The following CHKA variants were observed in gnomAD, a reference collection of about 807,000 sequenced individuals.
The protein encoded by CHKA is choline kinase alpha.
CHKA carries 34 observed loss-of-function variants against 60.1 expected under a neutral mutation model. The ratio of observed to expected loss-of-function variants is 0.57; its 90% CI spans 0.43 to 0.75. CHKA has a LOEUF of 0.75. Among genes scored for constraint, CHKA ranks in the 30% least tolerant of loss-of-function variants. The probability of loss-of-function intolerance (pLI) is 0.00; values close to 1 mark genes in which losing one functional copy is unlikely to be tolerated. For missense variants in CHKA, 563 were observed against 561.3 expected (o/e 1.00, Z -0.03); for synonymous variants, 217 against 223.1 (o/e 0.97, Z 0.24).
intron 1 of CHKA, among the ~76,000 whole-genome samples, chr11:68,106,114 C>T (rs980017637): frequency 3.3e-5 from 5 of 152,042 alleles, no homozygotes; most frequent in Non-Finnish European, 5.9e-5. Context: ...TTCTTCTAAC[C>T]ATCTAAAATT....
chr11:68,101,464 T>G (rs1421595486), intron 1 of CHKA, among the ~76,000 whole-genome samples: 1 of 152,090 alleles, frequency 6.6e-6, no homozygotes, highest in Non-Finnish European at 1.5e-5. Context: ...TCAGTAAGAT[T>G]GCAGGATACA....
chr11:68,075,845 A>G (rs1455159022), intron 3 of CHKA, among the ~76,000 whole-genome samples: 1 of 152,190 alleles, frequency 6.6e-6, no homozygotes, highest in Non-Finnish European at 1.5e-5. Context: ...ATTAAAAGAG[A>G]GGCACCAGCA....
At chr11:68,116,970 T>G (rs2153033037) in intron 1 of CHKA, among the ~76,000 whole-genome samples, 1 of 152,322 alleles carries the variant, frequency 6.6e-6, no homozygotes, top group Middle Eastern at 3.4e-3. Context: ...TGACAATTTC[T>G]ACACTTATCC....
At chr11:68,114,345 A>C (rs1023278783) in intron 1 of CHKA, among the ~76,000 whole-genome samples, 1 of 152,232 alleles carries the variant, frequency 6.6e-6, no homozygotes, top group Non-Finnish European at 1.5e-5. Context: ...AAACTGTGGT[A>C]TATCCAGATG....
chr11:68,066,103 T>G lies in CHKA; in HGVS notation c.1017-209A>C, dbSNP rs118052189. On this transcript the variant is annotated intron_variant, in intron 8 of 11. Transcript: ENST00000265689. ...TCACAGCTGACTAAAGCTATACAGG[T>G]GCACCTGAACCACTACTCCAGAACA... is the stretch of plus-strand genomic sequence containing the variant. 2.6e-5 allele frequency among the ~76,000 whole-genome samples: 4 copies of G among 152,240 alleles called. No individual in the cohort carries two copies. In the East Asian group the frequency reaches 7.7e-4, roughly 29 times the overall value.
intron 3 of CHKA, among the ~76,000 whole-genome samples, chr11:68,077,233 C>T (rs1421716620): frequency 6.6e-6 from 1 of 152,130 alleles, no homozygotes; most frequent in Non-Finnish European, 1.5e-5. Flanking sequence ...GAGCAAGACT[C>T]TGTCTCAAAA....
intron 1 of CHKA, among the ~76,000 whole-genome samples, chr11:68,097,568 G>C (rs559293691): frequency 2.1e-4 from 31 of 144,806 alleles, no homozygotes; most frequent in African/African-American, 7.5e-4. Context: ...CCCGGGAGGC[G>C]AAGCTTGCAG....
At chr11:68,116,770 T>C (rs542370571) in intron 1 of CHKA, among the ~76,000 whole-genome samples, 9 of 152,104 alleles carry the variant, frequency 5.9e-5, no homozygotes, top group African/African-American at 2.2e-4. Flanking sequence ...ATTGATTTGA[T>C]AGGCAGGGAC....
chr11:68,105,332 C>T (rs897478577), intron 1 of CHKA, among the ~76,000 whole-genome samples: 18 of 151,156 alleles, frequency 1.2e-4, no homozygotes, highest in African/African-American at 4.4e-4. Context: ...CTGGCAAACA[C>T]GGTGAAACCC....
intron 11 of CHKA, among the ~76,000 whole-genome samples, chr11:68,056,594 T>C (rs1475734684): frequency 6.6e-6 from 1 of 152,214 alleles, no homozygotes; most frequent in Non-Finnish European, 1.5e-5. Flanking sequence ...GAGAACTGAA[T>C]GTGGAGGCTG....
In CHKA at chr11:68,081,448, T is replaced by C. The variant is rs150738052; in HGVS notation, c.472A>G (p.Asn158Asp). 13 of 1,613,082 alleles carry C rather than the reference T, an allele frequency of 8.1e-6. No homozygotes were observed. The highest frequency in any genetic ancestry group is 1.3e-5 in the African/African-American group (1 of 74,904). ...YGAILQMRSC[N>D]KEGSEQAQKE... is the part of the protein sequence containing the mutation. ...TGAGCTTGTTCGGATCCCTCTTTAT[T>C]ACAGGACCTCTATGAATGAGAAAAA... The change falls in exon 3 of 12, where the codon AAT becomes GAT. Residue 158 changes from asparagine to aspartate, a missense_variant. By Grantham distance (23) the Asn-to-Asp change is conservative. Coordinates refer to ENST00000265689, the MANE Select transcript of CHKA (RefSeq NM_001277.3).
intron 2 of CHKA, among the ~76,000 whole-genome samples, chr11:68,093,551 G>A (rs570910670): frequency 1.1e-4 from 17 of 152,206 alleles, no homozygotes; most frequent in Non-Finnish European, 2.1e-4. Flanking sequence ...TTACTTAATA[G>A]TCTTTTTTCT....
chr11:68,059,581 A>T lies in CHKA; in HGVS notation c.1314+2372T>A, dbSNP rs545726301. On this transcript the variant is annotated intron_variant, in intron 11 of 11. Coordinates refer to ENST00000265689, the MANE Select transcript of CHKA (RefSeq NM_001277.3). ...CTTTATGTATATCCCACAAATACTG[A>T]CATGCTATGTTTTCATTATAATTCA... 3.9e-5 allele frequency among the ~76,000 whole-genome samples: 6 copies of T among 152,352 alleles called. No homozygotes were observed. In the South Asian group the frequency reaches 1.2e-3, roughly 32 times the overall value.
intron 11 of CHKA, among the ~76,000 whole-genome samples, chr11:68,058,014 C>A (rs549078598): frequency 1.9e-4 from 29 of 152,292 alleles, no homozygotes; most frequent in Non-Finnish European, 3.1e-4. Context: ...CTCAGCCTCC[C>A]GCGCAGCTGG....
chr11:68,111,782 G>A lies in CHKA; in HGVS notation c.350+9046C>T, dbSNP rs545728895. Among the ~76,000 whole-genome samples the A allele has an allele frequency of 5.3e-5, 8 of 151,940 alleles. No homozygotes were observed. The East Asian group carries it at 7.8e-4, about 15-fold the overall frequency. On this transcript the variant is annotated intron_variant, in intron 1 of 11. Transcript: ENST00000265689. ...AATGGTCCTGGAACATGCCCGGAGC[G>A]GTAGCTCACACCTGTAATCCCAGCA...
At chr11:68,066,021 G>A (rs1856431808) in intron 8 of CHKA, 127 bp from the exon 9 acceptor site, 3 of 620,238 alleles carry the variant, frequency 4.8e-6, no homozygotes, top group African/African-American at 1.8e-5. Context: ...ACTTGCTGAG[G>A]GAGCAGGACT....
chr11:68,089,546 T>C (rs1465065639), intron 2 of CHKA, among the ~76,000 whole-genome samples: 4 of 152,184 alleles, frequency 2.6e-5, no homozygotes, highest in Non-Finnish European at 5.9e-5. Flanking sequence ...GGCCCATAAA[T>C]TTCTAAAATT....
Position 68,074,607 on chromosome 11 carries a change from G to C in CHKA, c.630+110C>G, listed in dbSNP as rs1856724484. ...TTTCTGATACAGTTTAATGACATAG[G>C]TGAGGTTAACAGTGAAAACACAGCA... On this transcript the variant is annotated intron_variant, in intron 4 of 11. Transcript: ENST00000265689. 5.7e-6 allele frequency: 5 copies of C among 876,184 alleles called. No individual in the cohort carries two copies. In the African/African-American group the frequency reaches 6.6e-5, roughly 12 times the overall value. 54.3% of individuals were successfully genotyped at this position (876,184 alleles called of 1,614,324 possible).
chr11:68,064,775 G>A, intron 9 of CHKA, 144 bp from the exon 10 acceptor site: 1 of 591,232 alleles, frequency 1.7e-6, no homozygotes, highest in Middle Eastern at 2.9e-4. Flanking sequence ...TCCTGGGGCT[G>A]GCACCAGTGA....
Sources: gnomAD v4.1 joint callset for allele counts (sites outside exome capture counted in the v4.1 genomes callset) on GRCh38, gnomAD v4.1.1 for gene constraint, MANE v1.5 for transcripts, NCBI Gene and HGNC (gene_info 2026-07-23, HGNC 2026-07-21) for gene names.